CFAP54: variants seen among roughly 807,000 people sequenced by gnomAD.
CFAP54 encodes cilia and flagella associated protein 54.
Under a neutral mutation model 370.4 loss-of-function variants are expected in CFAP54, and 290 were observed. That is an observed-to-expected ratio of 0.78 (90% CI 0.71 to 0.86). The LOEUF (loss-of-function observed/expected upper bound fraction) is 0.86. Ranked by LOEUF, CFAP54 falls within the 40% of genes least tolerant of loss-of-function variation. CFAP54 has a pLI of 0.00. For missense variants in CFAP54, 3,399 were observed against 3,528.7 expected (o/e 0.96, Z 0.93); for synonymous variants, 1,206 against 1,236.5 (o/e 0.98, Z 0.52).
intron 19 of CFAP54, among the ~76,000 whole-genome samples, chr12:96,566,252 A>G (rs1001703284): frequency 1.3e-5 from 2 of 152,158 alleles, no homozygotes; most frequent in Non-Finnish European, 2.9e-5. Flanking sequence ...CCATCAATGG[A>G]GCATGAGGGT....
Position 96,625,717 on chromosome 12 carries a change from G to C in CFAP54, c.3887-1G>C. ...ACAACTTTTGAATTTTTTAACCTTAGATGTTACATCTGAACTCTCAGGAGG... is the reference window on the plus strand; with the variant it reads ...ACAACTTTTGAATTTTTTAACCTTACATGTTACATCTGAACTCTCAGGAGG... On this transcript the variant is annotated splice_acceptor_variant, in intron 28 of 67. Coordinates refer to ENST00000524981, the MANE Select transcript of CFAP54 (RefSeq NM_001306084.2). LOFTEE classifies it high-confidence loss of function. The C allele has an allele frequency of 2.0e-6, 3 of 1,528,812 alleles. No individual in the cohort carries two copies. Among genetic ancestry groups the C allele is most frequent in the Non-Finnish European group, 2.6e-6 (3 of 1,143,066 alleles). The allele number at this position is 1,528,812 out of a possible 1,614,324, so 94.7% of individuals were successfully genotyped here.
intron 60 of CFAP54, among the ~76,000 whole-genome samples, chr12:96,770,951 G>A (rs1299441349): frequency 6.6e-6 from 1 of 152,232 alleles, no homozygotes; most frequent in East Asian, 1.9e-4. Context: ...CAGCCTGCTG[G>A]ACTGCTTGGA....
chr12:96,763,318 T>G (rs1369139049), intron 58 of CFAP54, among the ~76,000 whole-genome samples: 2 of 152,168 alleles, frequency 1.3e-5, no homozygotes, highest in Non-Finnish European at 2.9e-5. Context: ...TGTTTTGCTA[T>G]TCTATGGAAC....
chr12:96,641,659 C>T (rs1424839045), intron 32 of CFAP54, among the ~76,000 whole-genome samples: 1 of 152,130 alleles, frequency 6.6e-6, no homozygotes, highest in East Asian at 1.9e-4. Context: ...TTCACAATAG[C>T]AAAGACTTGG....
At position 96,630,145 on chromosome 12, in the gene CFAP54, T is replaced by A; in HGVS notation, c.4156T>A (p.Leu1386Met). ...LIKVKYKDSA[L>M]NKKANKSLKF... ...AAAAGTGAAATATAAGGATAGTGCT[T>A]TGAATAAAAAAGCAAACAAATCTTT... is the stretch of plus-strand genomic sequence containing the variant. The change falls in exon 31 of 68, where the codon TTG becomes ATG. Residue 1386 changes from leucine (L) to methionine (M), a missense_variant. Leu to Met is a conservative substitution (Grantham distance 15, BLOSUM62 2). Coordinates refer to ENST00000524981, the MANE Select transcript of CFAP54 (RefSeq NM_001306084.2). 1 of 1,503,094 alleles carries A rather than the reference T, an allele frequency of 6.7e-7. No homozygotes were observed. Among genetic ancestry groups the A allele is most frequent in the Non-Finnish European group, 8.9e-7 (1 of 1,120,420 alleles). 93.1% of individuals were successfully genotyped at this position (1,503,094 alleles called of 1,614,324 possible).
chr12:96,560,174 TG>T (rs1211834648), intron 17 of CFAP54, among the ~76,000 whole-genome samples: 10 of 152,288 alleles, frequency 6.6e-5, no homozygotes, highest in African/African-American at 2.2e-4. Flanking sequence ...AATAAATTAT[TG>T]TTAACTATAG....
At chr12:96,717,216 C>G (rs558643432) in intron 48 of CFAP54, among the ~76,000 whole-genome samples, 1 of 152,162 alleles carries the variant, frequency 6.6e-6, no homozygotes, top group Admixed American at 6.5e-5. Flanking sequence ...TTTTGTACCA[C>G]GTTCAGGCAT....
At chr12:96,817,655 C>T (rs1958992189) in intron 64 of CFAP54, 120 bp from the exon 65 acceptor site, 3 of 414,946 alleles carry the variant, frequency 7.2e-6, no homozygotes, top group Non-Finnish European at 1.2e-5. Context: ...CTCCTGACCT[C>T]GTGATCCACC....
In CFAP54 at chr12:96,764,265, G is replaced by C; in HGVS notation, c.8139+16G>C. 2 of 1,578,538 alleles carry C rather than the reference G, an allele frequency of 1.3e-6. No individual in the cohort carries two copies. Among genetic ancestry groups the C allele is most frequent in the Non-Finnish European group, 8.7e-7 (1 of 1,150,774 alleles). ...TGCTGCACAGGTTGGTGTGATTTTT[G>C]TTTAATCTTTCTTCTTACTGTCATA... is the stretch of plus-strand genomic sequence containing the variant. On this transcript the variant is annotated intron_variant, in intron 59 of 67. Transcript: ENST00000524981.
intron 25 of CFAP54, among the ~76,000 whole-genome samples, chr12:96,596,670 C>G (rs1444968292): frequency 5.9e-5 from 9 of 151,944 alleles, no homozygotes; most frequent in Admixed American, 5.9e-4. Context: ...GGAAACATTT[C>G]TAACCAAGAC....
At chr12:96,730,649 A>T (rs564880158) in intron 50 of CFAP54, among the ~76,000 whole-genome samples, 49 of 152,348 alleles carry the variant, frequency 3.2e-4, no homozygotes, top group African/African-American at 1.2e-3. Context: ...GAAATTCCAT[A>T]CATTAAACCC....
intron 22 of CFAP54, among the ~76,000 whole-genome samples, chr12:96,584,217 A>G (rs938701476): frequency 2.0e-5 from 3 of 151,932 alleles, no homozygotes; most frequent in Admixed American, 2.0e-4. Context: ...TAATCCCAGC[A>G]CTTTGGCAGG....
At chr12:96,540,454 T>G (rs1298359928) in intron 13 of CFAP54, among the ~76,000 whole-genome samples, 1 of 152,046 alleles carries the variant, frequency 6.6e-6, no homozygotes, top group Non-Finnish European at 1.5e-5. Context: ...GCTTCCCCAC[T>G]CATAAGGAGG....
intron 39 of CFAP54, among the ~76,000 whole-genome samples, chr12:96,678,627 G>A (rs1957237789): frequency 6.6e-6 from 1 of 152,058 alleles, no homozygotes; most frequent in African/African-American, 2.4e-5. Context: ...CCCTATCCTC[G>A]AAGGCACAGC....
intron 47 of CFAP54, among the ~76,000 whole-genome samples, chr12:96,707,123 A>G (rs1957555563): frequency 1.3e-5 from 2 of 152,270 alleles, no homozygotes; most frequent in African/African-American, 4.8e-5. Flanking sequence ...AGGAGAGGCC[A>G]GTAGGATAGG....
chr12:96,572,319 A>T (rs1955928763), intron 19 of CFAP54, among the ~76,000 whole-genome samples: 1 of 152,198 alleles, frequency 6.6e-6, no homozygotes, highest in African/African-American at 2.4e-5. Flanking sequence ...GGAAGATGTC[A>T]GAGGAGGTGA....
chr12:96,803,724 C>A (rs1469880005), intron 63 of CFAP54, among the ~76,000 whole-genome samples: 1 of 152,058 alleles, frequency 6.6e-6, no homozygotes, highest in Non-Finnish European at 1.5e-5. Context: ...CATATATACA[C>A]CCTCAGGAAA....
chr12:96,507,006 T>C lies in CFAP54; in HGVS notation c.646T>C (p.Ser216Pro), dbSNP rs1565878252. 1 of 1,536,142 alleles carries C rather than the reference T, an allele frequency of 6.5e-7. No individual in the cohort carries two copies. Among genetic ancestry groups the C allele is most frequent in the South Asian group, 1.2e-5 (1 of 83,960 alleles). Reference protein sequence around the residue: ...DSDENLKNKESVVQCLHILSS... With the variant: ...DSDENLKNKEPVVQCLHILSS... ...TGATGAAAACCTGAAGAATAAAGAATCTGTGGTCCAGTGTCTGCATATCTT... is the reference window on the plus strand; with the variant it reads ...TGATGAAAACCTGAAGAATAAAGAACCTGTGGTCCAGTGTCTGCATATCTT... The change falls in exon 4 of 68, where the codon TCT (serine) becomes CCT (proline). Residue 216 changes from serine (S) to proline (P), a missense_variant. This residue lies in a region of CFAP54 where 559 missense variants were observed against 576.7 expected (regional missense o/e 0.97). Coordinates refer to ENST00000524981, the MANE Select transcript of CFAP54 (RefSeq NM_001306084.2).
In CFAP54 at chr12:96,744,668, CA is replaced by C. The variant is rs538569865; in HGVS notation, c.7684+529del. The stretch of plus-strand genomic sequence containing the variant: ...AAAATGCTAATTTAATGCCTGTGAA[CA>C]AAAAAATAGTTTATTTTTTATTATT... On this transcript the variant is annotated intron_variant, in intron 55 of 67. Coordinates refer to ENST00000524981, the MANE Select transcript of CFAP54 (RefSeq NM_001306084.2). Among the ~76,000 whole-genome samples, 31 of 152,078 alleles carry C rather than the reference CA, an allele frequency of 2.0e-4. No homozygotes were observed. The East Asian group carries it at 5.4e-3, about 26-fold the overall frequency.
Sources: gnomAD v4.1 joint callset for allele counts (sites outside exome capture counted in the v4.1 genomes callset) on GRCh38, gnomAD v4.1.1 for gene constraint, gnomAD v4.1.1 regional missense constraint, MANE v1.5 for transcripts, NCBI Gene and HGNC (gene_info 2026-07-23, HGNC 2026-07-21) for gene names.